The following DMD variants were observed in gnomAD, a reference collection of about 807,000 sequenced individuals.
DMD encodes the protein mutant dystrophin.
In DMD, 63 loss-of-function variants were observed where a neutral mutation model predicts 330.1. The ratio of observed to expected loss-of-function variants is 0.19; its 90% CI spans 0.16 to 0.24. DMD has a LOEUF of 0.24. Ranked by LOEUF, DMD falls within the 10% of genes least tolerant of loss-of-function variation. The probability of loss-of-function intolerance (pLI) is 1.00; values close to 1 mark genes in which losing one functional copy is unlikely to be tolerated. For synonymous variants in DMD, 1,223 were observed against 959.8 expected (o/e 1.27, Z -5.07); for missense variants, 3,344 against 2,684.1 (o/e 1.25, Z -5.43).
intron 42 of DMD, among the ~76,000 whole-genome samples, chrX:32,300,171 G>A (rs1056304193): frequency 1.8e-5 from 2 of 111,805 alleles, no homozygotes; most frequent in Admixed American, 9.5e-5. Flanking sequence ...AGTTGAACTT[G>A]CTTATGAAAA....
chrX:32,709,876 GT>G, intron 7 of DMD, among the ~76,000 whole-genome samples: 1 of 111,100 alleles, frequency 9.0e-6, no homozygotes, highest in Non-Finnish European at 1.9e-5. Flanking sequence ...CCTTTAGATT[GT>G]TTTACCAATG....
intron 67 of DMD, among the ~76,000 whole-genome samples, chrX:31,197,790 AT>A (rs755553011): frequency 3.0e-4 from 34 of 111,847 alleles, no homozygotes; most frequent in Non-Finnish European, 5.1e-4. Flanking sequence ...CTGCACTCCC[AT>A]GTTGACTGCA....
At chrX:31,428,312 C>A (rs2063825792) in intron 60 of DMD, among the ~76,000 whole-genome samples, 2 of 110,463 alleles carry the variant, frequency 1.8e-5, no homozygotes, top group Non-Finnish European at 3.8e-5. Context: ...GCACCTCCCA[C>A]CCCCTCACTC....
At chrX:31,245,268 T>C (rs1219353038) in intron 63 of DMD, among the ~76,000 whole-genome samples, 1 of 111,928 alleles carries the variant, frequency 8.9e-6, no homozygotes, top group Admixed American at 9.5e-5. Context: ...CTCTCCAGAG[T>C]TCCATCTTGC....
chrX:32,958,444 G>A (rs752867641), intron 2 of DMD, among the ~76,000 whole-genome samples: 73 of 110,708 alleles, frequency 6.6e-4, no homozygotes, highest in Non-Finnish European at 1.2e-3. Context: ...ACTGTAACTC[G>A]GATGTTGATT....
intron 1 of DMD, among the ~76,000 whole-genome samples, chrX:33,273,761 G>T (rs774018681): frequency 1.8e-5 from 2 of 112,426 alleles, no homozygotes; most frequent in Non-Finnish European, 3.8e-5. Context: ...TACAACCTCA[G>T]TTATGCATAA....
chrX:32,624,233 G>A (rs915897562), intron 11 of DMD, among the ~76,000 whole-genome samples: 3 of 111,936 alleles, frequency 2.7e-5, no homozygotes, highest in Non-Finnish European at 5.6e-5. Context: ...AAAGGTGAAT[G>A]GAGTATACAT....
chrX:32,086,744 G>GT (rs958687090), intron 44 of DMD, among the ~76,000 whole-genome samples: 15 of 111,086 alleles, frequency 1.4e-4, no homozygotes, highest in African/African-American at 1.6e-4. Context: ...TCTAATTAAG[G>GT]TTTTTTCCTG....
At chrX:33,218,905 C>CT (rs1269852123) in intron 1 of DMD, among the ~76,000 whole-genome samples, 2 of 111,165 alleles carry the variant, frequency 1.8e-5, no homozygotes, top group Admixed American at 9.6e-5. Context: ...ATTTATTGAA[C>CT]TTTTTTTTGA....
intron 15 of DMD, among the ~76,000 whole-genome samples, chrX:32,566,298 T>C (rs1224182443): frequency 8.9e-6 from 1 of 112,011 alleles, no homozygotes; most frequent in East Asian, 2.8e-4. Context: ...CCAGGAGTAC[T>C]GAAGAAAAGC....
Position 33,094,677 on chromosome X carries a change from A to G in DMD, c.32-74477T>C, listed in dbSNP as rs187569716. On this transcript the variant is annotated intron_variant, in intron 1 of 78. Transcript: ENST00000357033. ...CAAAAAATTAGCTGGGCATCGTGGC[A>G]GTCACCAGTAATCCCAGCTACTCGG... Among the ~76,000 whole-genome samples, 950 of 109,635 alleles carry G rather than the reference A, an allele frequency of 8.7e-3. 8 individuals are homozygous for G. Among genetic ancestry groups the G allele is most frequent in the African/African-American group, 0.03 (915 of 30,167 alleles).
At chrX:31,339,208 C>G (rs1199733924) in intron 61 of DMD, among the ~76,000 whole-genome samples, 1 of 111,670 alleles carries the variant, frequency 9.0e-6, no homozygotes, top group Non-Finnish European at 1.9e-5. Context: ...GATGCAAAAT[C>G]TGGTTGCTAA....
chrX:33,229,954 T>C (rs1262788467), intron 1 of DMD, among the ~76,000 whole-genome samples: 2 of 112,428 alleles, frequency 1.8e-5, no homozygotes, highest in African/African-American at 3.2e-5. Flanking sequence ...TTCAACAGTG[T>C]TTTGCATTGA....
intron 44 of DMD, among the ~76,000 whole-genome samples, chrX:32,057,604 A>T (rs1211379391): frequency 8.9e-6 from 1 of 112,093 alleles, no homozygotes; most frequent in East Asian, 2.8e-4. Context: ...TTGTTGAAAG[A>T]AATTGAAGAT....
intron 2 of DMD, among the ~76,000 whole-genome samples, chrX:32,936,198 G>A (rs182360557): frequency 3.7e-5 from 4 of 108,394 alleles, no homozygotes; most frequent in African/African-American, 3.4e-5. Flanking sequence ...CACAACCTCC[G>A]CCTCCTGGGT....
chrX:33,264,256 A>G (rs974497756), intron 1 of DMD, among the ~76,000 whole-genome samples: 1 of 111,348 alleles, frequency 9.0e-6, no homozygotes, highest in Non-Finnish European at 1.9e-5. Flanking sequence ...CCAAAAATAA[A>G]AAAATAAAAT....
At chrX:31,974,756 A>G (rs905483238) in intron 44 of DMD, among the ~76,000 whole-genome samples, 2 of 110,725 alleles carry the variant, frequency 1.8e-5, no homozygotes, top group Non-Finnish European at 3.8e-5. Flanking sequence ...CTAGAAATAG[A>G]CTGTTTATTT....
At chrX:31,962,643 A>T (rs889002600) in intron 45 of DMD, among the ~76,000 whole-genome samples, 2 of 111,793 alleles carry the variant, frequency 1.8e-5, no homozygotes, top group African/African-American at 6.5e-5. Context: ...AGAAGACAGA[A>T]ATCCATATTT....
chrX:31,300,974 G>C (rs187474338), intron 62 of DMD, among the ~76,000 whole-genome samples: 164 of 111,937 alleles, frequency 1.5e-3, no homozygotes, highest in African/African-American at 5.1e-3. Context: ...CTGAAATCTG[G>C]AGAGAGATTG....
Sources: allele counts gnomAD v4.1 joint callset (sites outside exome capture counted in the v4.1 genomes callset), GRCh38; gene constraint gnomAD v4.1.1; transcripts MANE v1.5; gene names NCBI Gene and HGNC (gene_info 2026-07-23, HGNC 2026-07-21).